Variants in MMP16 observed in about 807,000 individuals in gnomAD.
MMP16 encodes the protein matrix metallopeptidase 16, also known as matrix metalloproteinase-16.
A neutral mutation model predicts 67.8 loss-of-function variants in MMP16; 12 were observed. The observed-to-expected ratio is 0.18, with a 90% confidence interval of 0.11 to 0.29. MMP16 has a LOEUF of 0.29. MMP16 is among the 10% of genes least tolerant of loss of function. The probability of loss-of-function intolerance (pLI) is 1.00; values close to 1 mark genes in which losing one functional copy is unlikely to be tolerated. For missense variants in MMP16, 475 were observed against 765.7 expected, an observed-to-expected ratio of 0.62 and a Z score of 4.48; for synonymous variants, 249 against 255.9, an observed-to-expected ratio of 0.97 and a Z score of 0.26.
At chr8:88,144,793 A>G (rs1035056250) in intron 4 of MMP16, among the ~76,000 whole-genome samples, 1 of 151,996 alleles carries the variant, frequency 6.6e-6, no homozygotes, top group Non-Finnish European at 1.5e-5. Flanking sequence ...TTAAAATTCA[A>G]TATATCCAAG....
chr8:88,288,261 T>G (rs774159380), intron 1 of MMP16, among the ~76,000 whole-genome samples: 1 of 152,204 alleles, frequency 6.6e-6, no homozygotes, highest in Non-Finnish European at 1.5e-5. Flanking sequence ...AATGAGCACA[T>G]CTCTGAATTT....
chr8:88,111,803 T>C (rs980903486), intron 6 of MMP16, among the ~76,000 whole-genome samples: 1 of 151,736 alleles, frequency 6.6e-6, no homozygotes, highest in Admixed American at 6.6e-5. Flanking sequence ...CAAAACCACC[T>C]TGGCAAATGA....
chr8:88,174,130 C>T (rs1023545342), intron 3 of MMP16, among the ~76,000 whole-genome samples: 11 of 152,060 alleles, frequency 7.2e-5, no homozygotes, highest in East Asian at 1.9e-4. Flanking sequence ...TCAGTTGTAA[C>T]GGAGTCATTC....
chr8:88,275,554 A>G (rs182548682), intron 1 of MMP16, among the ~76,000 whole-genome samples: 1 of 152,080 alleles, frequency 6.6e-6, no homozygotes, highest in Admixed American at 6.5e-5. Context: ...GTGGCCTGTT[A>G]TTAATATTCA....
chr8:88,095,799 A>G (rs1322482356), intron 6 of MMP16, among the ~76,000 whole-genome samples: 1 of 151,872 alleles, frequency 6.6e-6, no homozygotes, highest in Non-Finnish European at 1.5e-5. Context: ...AAGACTTCCC[A>G]AATCACTGAT....
At chr8:88,134,850 G>A (rs1479719620) in intron 4 of MMP16, among the ~76,000 whole-genome samples, 1 of 150,836 alleles carries the variant, frequency 6.6e-6, no homozygotes, top group Non-Finnish European at 1.5e-5. Flanking sequence ...GATATATGTA[G>A]GTTTATTTTT....
At chr8:88,312,496 A>G (rs1055301689) in intron 1 of MMP16, among the ~76,000 whole-genome samples, 4 of 152,140 alleles carry the variant, frequency 2.6e-5, no homozygotes, top group Non-Finnish European at 5.9e-5. Flanking sequence ...AGCAGCACAT[A>G]TTTTAAGTGT....
Position 88,037,880 on chromosome 8 carries a change from T to G in MMP16, c.*3581A>C, listed in dbSNP as rs1005861903. The G allele has an allele frequency of 6.6e-6, 1 of 151,986 alleles. No homozygotes were observed. The highest frequency in any genetic ancestry group is 1.5e-5 in the Non-Finnish European group (1 of 67,904). 9.4% of individuals were successfully genotyped at this position (151,986 alleles called of 1,614,324 possible). A position where few individuals can be genotyped will look rare whatever the true frequency, so the allele number is the denominator to read the frequency against. On this transcript the variant is annotated 3_prime_UTR_variant, in exon 10 of 10. Coordinates refer to ENST00000286614, the MANE Select transcript of MMP16 (RefSeq NM_005941.5). ...GAGAAATGAAGCAGAAGGAGAATTATTTTTGCAGGCATGAATGTGTTTTCA... is the reference window on the plus strand; with the variant it reads ...GAGAAATGAAGCAGAAGGAGAATTAGTTTTGCAGGCATGAATGTGTTTTCA...
At chr8:88,193,726 T>C (rs568909929) in intron 2 of MMP16, among the ~76,000 whole-genome samples, 1 of 151,924 alleles carries the variant, frequency 6.6e-6, no homozygotes, top group Admixed American at 6.6e-5. Flanking sequence ...CTATTATATA[T>C]CCATAATAAT....
chr8:88,313,455 G>A (rs531957127), intron 1 of MMP16, among the ~76,000 whole-genome samples: 1 of 152,190 alleles, frequency 6.6e-6, no homozygotes, highest in Non-Finnish European at 1.5e-5. Context: ...TATATGAAAG[G>A]TGTCTATTTT....
intron 8 of MMP16, among the ~76,000 whole-genome samples, chr8:88,050,550 T>C (rs558611211): frequency 5.3e-5 from 8 of 152,330 alleles, no homozygotes; most frequent in African/African-American, 1.7e-4. Context: ...AAGTCTTTTA[T>C]ATCACATATT....
At chr8:88,318,999 G>GTGGAATGC (rs984779112) in intron 1 of MMP16, among the ~76,000 whole-genome samples, 6 of 152,060 alleles carry the variant, frequency 3.9e-5, no homozygotes, top group Non-Finnish European at 7.4e-5. Context: ...CTGCTTGGCA[G>GTGGAATGC]TGTCTGGATG....
intron 1 of MMP16, among the ~76,000 whole-genome samples, chr8:88,238,937 C>T (rs1461061771): frequency 6.6e-6 from 1 of 151,770 alleles, no homozygotes; most frequent in Non-Finnish European, 1.5e-5. Flanking sequence ...CCAGTCTGGC[C>T]AATATGGCAA....
chr8:88,198,176 A>C (rs28907568), intron 1 of MMP16, among the ~76,000 whole-genome samples: 43 of 152,264 alleles, frequency 2.8e-4, no homozygotes, highest in African/African-American at 9.1e-4. Flanking sequence ...TTGGAAAAAA[A>C]CATATATCTC....
chr8:88,322,931 T>C (rs143248288), intron 1 of MMP16, among the ~76,000 whole-genome samples: 118 of 152,240 alleles, frequency 7.8e-4, no homozygotes, highest in African/African-American at 2.6e-3. Context: ...GAGACTCTTG[T>C]TCTCCTTATC....
chr8:88,319,562 A>G (rs2130084372), intron 1 of MMP16, among the ~76,000 whole-genome samples: 1 of 152,262 alleles, frequency 6.6e-6, no homozygotes, highest in African/African-American at 2.4e-5. Context: ...ATAAACAATG[A>G]GAAATTACCA....
At chr8:88,074,497 T>G in intron 7 of MMP16, 108 bp downstream of exon 7, 1 of 953,770 alleles carries the variant, frequency 1.0e-6, no homozygotes, top group Non-Finnish European at 1.5e-6. Context: ...GTTTATTTCA[T>G]TAAATCCATA....
chr8:88,312,236 G>A (rs1011269863), intron 1 of MMP16, among the ~76,000 whole-genome samples: 4 of 152,166 alleles, frequency 2.6e-5, no homozygotes, highest in African/African-American at 7.2e-5. Flanking sequence ...GGAATCCAAA[G>A]ACAGATTCCA....
At chr8:88,223,654 G>A (rs1809721687) in intron 1 of MMP16, among the ~76,000 whole-genome samples, 1 of 133,710 alleles carries the variant, frequency 7.5e-6, no homozygotes, top group African/African-American at 2.8e-5. Context: ...AAAGCACTTG[G>A]ACACAGGGTG....
Sources: gnomAD v4.1 joint callset for allele counts (sites outside exome capture counted in the v4.1 genomes callset) on GRCh38, gnomAD v4.1.1 for gene constraint, MANE v1.5 for transcripts, NCBI Gene and HGNC (gene_info 2026-07-23, HGNC 2026-07-21) for gene names.